Variants in FCHO2 observed in about 807,000 individuals in gnomAD.
FCHO2 encodes FCH and mu domain containing endocytic adaptor 2, also known as F-BAR domain only protein 2.
Under a neutral mutation model 114.1 loss-of-function variants are expected in FCHO2, and 43 were observed. The ratio of observed to expected loss-of-function variants is 0.38; its 90% confidence interval spans 0.30 to 0.49. FCHO2 has a LOEUF of 0.49. Among genes scored for constraint, FCHO2 ranks in the 20% least tolerant of loss-of-function variants. The pLI, the probability that FCHO2 is intolerant of heterozygous loss-of-function variation, is 0.97. For synonymous variants in FCHO2, 293 were observed against 315.2 expected (o/e 0.93, Z 0.75); for missense variants, 807 against 950.4 (o/e 0.85, Z 1.98).
intron 3 of FCHO2, 79 bp downstream of exon 3, chr5:72,989,580 A>G: frequency 2.8e-6 from 3 of 1,064,748 alleles, no homozygotes; most frequent in East Asian, 2.6e-5. Context: ...TGAGGACATA[A>G]CAGTTCAAAA....
At chr5:73,020,971 G>A (rs940310072) in intron 8 of FCHO2, 2 of 1,595,744 alleles carry the variant, frequency 1.3e-6, no homozygotes, top group Non-Finnish European at 1.7e-6. Context: ...GAGTGGTTCG[G>A]GTCCATTCAC....
At chr5:73,015,767 G>A (rs374985447) in intron 7 of FCHO2, 43 bp downstream of exon 7, 1 of 1,253,678 alleles carries the variant, frequency 8.0e-7, no homozygotes, top group Non-Finnish European at 1.1e-6. Flanking sequence ...TGAAAAATTT[G>A]TTTATTTATA....
At chr5:73,047,511 T>C (rs1757113950) in intron 11 of FCHO2, among the ~76,000 whole-genome samples, 1 of 152,076 alleles carries the variant, frequency 6.6e-6, no homozygotes, top group African/African-American at 2.4e-5. Context: ...TTTTAAAAAT[T>C]AGCAGTATTT....
chr5:73,001,284 G>A (rs1385356698), intron 5 of FCHO2, among the ~76,000 whole-genome samples: 6 of 151,132 alleles, frequency 4.0e-5, no homozygotes, highest in South Asian at 2.1e-4. Context: ...ATTGCATTCC[G>A]GCCCAGGCCT....
chr5:72,983,766 AT>A (rs569830496), intron 2 of FCHO2, among the ~76,000 whole-genome samples: 13 of 151,104 alleles, frequency 8.6e-5, no homozygotes, highest in Non-Finnish European at 1.8e-4. Context: ...CTCCTTCAGT[AT>A]TTTTTTGGCT....
At chr5:72,992,972 A>G (rs1158381304) in intron 5 of FCHO2, among the ~76,000 whole-genome samples, 1 of 152,044 alleles carries the variant, frequency 6.6e-6, no homozygotes, top group Non-Finnish European at 1.5e-5. Flanking sequence ...AAATAAAAAA[A>G]AAAAACTCCT....
chr5:73,015,837 C>A, intron 7 of FCHO2, 113 bp downstream of exon 7: 1 of 488,566 alleles, frequency 2.0e-6, no homozygotes, highest in Non-Finnish European at 3.5e-6. Flanking sequence ...CCGAATTTTT[C>A]CAAATAAAGA....
intron 3 of FCHO2, among the ~76,000 whole-genome samples, chr5:72,990,218 A>G (rs1753747876): frequency 1.3e-5 from 2 of 152,184 alleles, no homozygotes; most frequent in African/African-American, 4.8e-5. Flanking sequence ...TCAGAAATTA[A>G]TATAATTAAG....
At chr5:73,037,476 A>G (rs1484258818) in intron 10 of FCHO2, among the ~76,000 whole-genome samples, 1 of 152,104 alleles carries the variant, frequency 6.6e-6, no homozygotes, top group African/African-American at 2.4e-5. Flanking sequence ...GTTTTGAAAT[A>G]TCCTTATTTT....
At chr5:72,975,687 T>C (rs1752827080) in intron 2 of FCHO2, among the ~76,000 whole-genome samples, 1 of 152,112 alleles carries the variant, frequency 6.6e-6, no homozygotes, top group East Asian at 1.9e-4. Flanking sequence ...GTATTTTTTA[T>C]AGAGACGGGG....
chr5:73,065,590 A>G (rs916120274), intron 18 of FCHO2, among the ~76,000 whole-genome samples: 1 of 152,084 alleles, frequency 6.6e-6, no homozygotes, highest in South Asian at 2.1e-4. Flanking sequence ...ATGAGTTAAT[A>G]CATGTAAAAC....
At chr5:73,082,876 A>ATT (rs11313621) in intron 24 of FCHO2, 51 bp downstream of exon 24, 386 of 1,209,102 alleles carry the variant, frequency 3.2e-4, no homozygotes, top group Non-Finnish European at 3.6e-4. Flanking sequence ...CTGAAAATTG[A>ATT]TTTTTTTTTT....
chr5:73,083,682 A>G (rs1270850805), intron 24 of FCHO2, among the ~76,000 whole-genome samples: 1 of 152,202 alleles, frequency 6.6e-6, no homozygotes, highest in African/African-American at 2.4e-5. Context: ...ACTTGAAGTC[A>G]GGAGTTCAAG....
chr5:72,976,337 G>C (rs1397915893), intron 2 of FCHO2, among the ~76,000 whole-genome samples: 1 of 151,934 alleles, frequency 6.6e-6, no homozygotes, highest in Non-Finnish European at 1.5e-5. Context: ...GCCCAGCCTT[G>C]CAAAGTGCTG....
intron 13 of FCHO2, among the ~76,000 whole-genome samples, chr5:73,053,188 G>A (rs1757414034): frequency 6.6e-6 from 1 of 152,000 alleles, no homozygotes; most frequent in South Asian, 2.1e-4. Flanking sequence ...AAGAATAAAG[G>A]TTCTCACCGT....
intron 16 of FCHO2, among the ~76,000 whole-genome samples, chr5:73,057,219 C>G (rs1474850868): frequency 6.6e-6 from 1 of 151,986 alleles, no homozygotes; most frequent in Non-Finnish European, 1.5e-5. Flanking sequence ...AGCCATCAAG[C>G]CTGGCCAGAG....
At chr5:73,022,411 C>A (rs1755674933) in intron 8 of FCHO2, among the ~76,000 whole-genome samples, 1 of 152,034 alleles carries the variant, frequency 6.6e-6, no homozygotes, top group Non-Finnish European at 1.5e-5. Flanking sequence ...TTCCCTGATG[C>A]AATTTTTCCC....
At chr5:73,046,607 A>G (rs1291310683) in intron 11 of FCHO2, among the ~76,000 whole-genome samples, 3 of 152,124 alleles carry the variant, frequency 2.0e-5, no homozygotes, top group Non-Finnish European at 2.9e-5. Flanking sequence ...AATGGGGACA[A>G]AGTATTTTGA....
chr5:73,072,080 AT>A (rs1742684113), intron 19 of FCHO2, among the ~76,000 whole-genome samples: 1 of 151,772 alleles, frequency 6.6e-6, no homozygotes, highest in South Asian at 2.1e-4. Flanking sequence ...CCAGACTGAA[AT>A]TCAGGGATAT....
Sources: allele counts gnomAD v4.1 joint callset (sites outside exome capture counted in the v4.1 genomes callset), GRCh38; gene constraint gnomAD v4.1.1; transcripts MANE v1.5; gene names NCBI Gene and HGNC (gene_info 2026-07-23, HGNC 2026-07-21).